LEO1: variants seen among roughly 807,000 people sequenced by gnomAD.
LEO1 encodes RNA polymerase-associated protein LEO1.
In LEO1, 34 loss-of-function variants were observed where a neutral mutation model predicts 80.4. The observed-to-expected ratio is 0.42, with a 90% CI of 0.32 to 0.56. The LOEUF is 0.56. Among genes scored for constraint, LEO1 ranks in the 20% least tolerant of loss-of-function variants. The pLI, the probability that LEO1 is intolerant of heterozygous loss-of-function variation, is 0.10. For synonymous variants in LEO1, 262 were observed against 274.9 expected, an observed-to-expected ratio of 0.95 and a Z score of 0.46; for missense variants, 631 against 814.2, an observed-to-expected ratio of 0.77 and a Z score of 2.74.
At chr15:51,960,151 A>C in intron 4 of LEO1, 107 bp from the exon 5 acceptor site, 3 of 876,524 alleles carry the variant, frequency 3.4e-6, no homozygotes, top group Non-Finnish European at 5.2e-6. Context: ...ATTAGATATC[A>C]CTTTAGGACT....
At chr15:51,967,069 A>C (rs2057083787) in intron 1 of LEO1, among the ~76,000 whole-genome samples, 1 of 152,216 alleles carries the variant, frequency 6.6e-6, no homozygotes, top group Non-Finnish European at 1.5e-5. Context: ...AAGAAAAAAG[A>C]ATAAAGAGAA....
intron 2 of LEO1, among the ~76,000 whole-genome samples, chr15:51,963,053 G>A (rs2057044337): frequency 6.6e-6 from 1 of 152,092 alleles, no homozygotes; most frequent in African/African-American, 2.4e-5. Context: ...GAGGTGGGTG[G>A]ATCACTTGAG....
At chr15:51,967,396 C>A (rs770574581) in intron 1 of LEO1, among the ~76,000 whole-genome samples, 11 of 152,140 alleles carry the variant, frequency 7.2e-5, no homozygotes, top group Non-Finnish European at 1.3e-4. Flanking sequence ...TCGCTTGGAT[C>A]CAGGAGGTGG....
chr15:51,964,161 A>T (rs1286567637), intron 2 of LEO1, among the ~76,000 whole-genome samples: 5 of 151,312 alleles, frequency 3.3e-5, no homozygotes, highest in Non-Finnish European at 7.4e-5. Context: ...AGCTGAGATC[A>T]TGCCACTACA....
At chr15:51,952,600 C>T (rs991228465) in intron 8 of LEO1, among the ~76,000 whole-genome samples, 2 of 152,162 alleles carry the variant, frequency 1.3e-5, no homozygotes, top group Non-Finnish European at 2.9e-5. Flanking sequence ...CTCAGTGCAG[C>T]ACATACTCAG....
chr15:51,955,992 G>T (rs2056986001), intron 6 of LEO1, among the ~76,000 whole-genome samples: 1 of 152,180 alleles, frequency 6.6e-6, no homozygotes, highest in Non-Finnish European at 1.5e-5. Context: ...GTTGAAGTGG[G>T]TCATGGGCAC....
chr15:51,947,497 C>A, intron 10 of LEO1, 108 bp from the exon 11 acceptor site: 1 of 720,230 alleles, frequency 1.4e-6, no homozygotes, highest in Admixed American at 2.4e-5. Context: ...CTCACTGCAG[C>A]CTTGACCTCC....
chr15:51,952,563 A>C (rs1035511392), intron 8 of LEO1, among the ~76,000 whole-genome samples: 1 of 152,178 alleles, frequency 6.6e-6, no homozygotes, highest in African/African-American at 2.4e-5. Flanking sequence ...TGGTCTGCTT[A>C]TAATCAAGAA....
intron 1 of LEO1, among the ~76,000 whole-genome samples, chr15:51,970,691 GAGTA>G (rs995678787): frequency 6.6e-6 from 1 of 152,198 alleles, no homozygotes; most frequent in African/African-American, 2.4e-5. Context: ...AGCATATGAG[GAGTA>G]AGTGCTTTAT....
chr15:51,962,046 T>G (rs542083615), intron 3 of LEO1, among the ~76,000 whole-genome samples: 1 of 151,730 alleles, frequency 6.6e-6, no homozygotes, highest in East Asian at 2.0e-4. Context: ...TTCCTGTAAT[T>G]CCAGCTACCA....
chr15:51,950,363 G>A (rs756662682), intron 9 of LEO1, among the ~76,000 whole-genome samples: 7 of 151,110 alleles, frequency 4.6e-5, no homozygotes, highest in Non-Finnish European at 1.0e-4. Context: ...AGCAGCAGTG[G>A]CTGTTCCTGT....
chr15:51,965,485 C>T (rs999015537), intron 2 of LEO1, among the ~76,000 whole-genome samples: 8 of 152,190 alleles, frequency 5.3e-5, no homozygotes, highest in African/African-American at 1.9e-4. Flanking sequence ...ATATCCCTCC[C>T]TCTAAGACTC....
Position 51,965,758 on chromosome 15 carries a change from G to T in LEO1, c.805C>A (p.His269Asn). 6.2e-7 allele frequency: 1 copy of T among 1,604,116 alleles called. No homozygotes were observed. ...CTCATAAATGTATTACCTGATTTAT[G>T]ATCCTGTTCCTCTTCATCATCTGAA... ...RHSDDEEEQDHKSESARGSDS... is the reference protein window; with the variant it reads ...RHSDDEEEQDNKSESARGSDS... The change falls in exon 2 of 12, where the codon CAT becomes AAT. Residue 269 changes from histidine (H) to asparagine (N), a missense_variant. Transcript: ENST00000299601.
chr15:51,942,568 G>T (rs1005451220), intron 11 of LEO1, among the ~76,000 whole-genome samples: 1 of 152,202 alleles, frequency 6.6e-6, no homozygotes, highest in African/African-American at 2.4e-5. Flanking sequence ...GTTCAGCACT[G>T]TAAATGCATC....
intron 11 of LEO1, among the ~76,000 whole-genome samples, chr15:51,940,725 A>G (rs1484325715): frequency 6.6e-6 from 1 of 152,040 alleles, no homozygotes; most frequent in African/African-American, 2.4e-5. Flanking sequence ...GAGTGAGACC[A>G]ACCTGGGCAA....
At chr15:51,955,528 C>A (rs546111908) in intron 6 of LEO1, among the ~76,000 whole-genome samples, 9 of 152,264 alleles carry the variant, frequency 5.9e-5, no homozygotes, top group Non-Finnish European at 8.8e-5. Context: ...GCATACTAAA[C>A]GCATGCAGTT....
rs1223470730 is a variant in LEO1 at position 51,951,851 on chromosome 15, A to G, written c.1604T>C (p.Met535Thr). ...TAGGCTTAGCAAACATACCTTAATC[A>G]TTTCTGTGCGTTGGCATTCAGGATC... ...GRDPECQRTEMIKKEEERLRA... is the reference protein window; with the variant it reads ...GRDPECQRTETIKKEEERLRA... The change falls in exon 9 of 12, where the codon ATG becomes ACG. Residue 535 changes from methionine to threonine, a missense_variant. Met to Thr is a moderately conservative substitution (Grantham distance 81). Transcript: ENST00000299601. 6.2e-7 allele frequency: 1 copy of G among 1,613,628 alleles called. No homozygotes were observed. Among genetic ancestry groups the G allele is most frequent in the African/African-American group, 1.3e-5 (1 of 74,890 alleles).
At chr15:51,956,738 C>T (rs1445681626) in intron 6 of LEO1, among the ~76,000 whole-genome samples, 4 of 152,172 alleles carry the variant, frequency 2.6e-5, no homozygotes, top group Non-Finnish European at 5.9e-5. Context: ...TCCTATCACA[C>T]ACCAAGGTTT....
intron 11 of LEO1, 138 bp from the exon 12 acceptor site, chr15:51,938,398 A>G (rs1036466743): frequency 1.5e-5 from 9 of 603,640 alleles, no homozygotes; most frequent in Non-Finnish European, 2.0e-5. Flanking sequence ...GGAGATTGTG[A>G]GGTGTCAGCA....
Sources: allele counts gnomAD v4.1 joint callset (sites outside exome capture counted in the v4.1 genomes callset), GRCh38; gene constraint gnomAD v4.1.1; transcripts MANE v1.5; gene names NCBI Gene and HGNC (gene_info 2026-07-23, HGNC 2026-07-21).